ENOX2: variants seen among roughly 807,000 people sequenced by gnomAD.
ENOX2 encodes the protein APK1 antigen.
ENOX2 carries 36 observed loss-of-function variants against 45.0 expected under a neutral mutation model. The observed-to-expected ratio is 0.80, with a 90% CI of 0.61 to 1.06. The LOEUF is 1.06. ENOX2 is among the 50% of genes least tolerant of loss of function. ENOX2 has a pLI of 0.00. For synonymous variants in ENOX2, 174 were observed against 152.3 expected (o/e 1.14, Z -1.05); for missense variants, 423 against 462.5 (o/e 0.91, Z 0.78).
chrX:130,649,043 C>CA (rs35154919), intron 10 of ENOX2, among the ~76,000 whole-genome samples: 1,009 of 6,779 alleles, frequency 0.15, 283 homozygotes, highest in Non-Finnish European at 0.26. Context: ...GACTCCATAT[C>CA]AAAAAAAAAA....
intron 4 of ENOX2, among the ~76,000 whole-genome samples, chrX:130,693,918 C>T (rs772513227): frequency 1.8e-5 from 2 of 111,709 alleles, no homozygotes; most frequent in Non-Finnish European, 3.8e-5. Flanking sequence ...GACTACCCTG[C>T]TAGAGAGACC....
rs1362238547 is a variant in ENOX2, at chrX:130,788,112, T to C, written c.-182-4422A>G. ...AAGGGTGTTTTTTGTGTCATGTATATGTGACCCAGGTCAAATGCTATTTTA... is the reference window on the plus strand; with the variant it reads ...AAGGGTGTTTTTTGTGTCATGTATACGTGACCCAGGTCAAATGCTATTTTA... On this transcript the variant is annotated intron_variant, in intron 2 of 14. Transcript: ENST00000394363. 2.7e-5 allele frequency among the ~76,000 whole-genome samples: 3 copies of C among 112,326 alleles called. No individual in the cohort carries two copies. The East Asian group carries it at 8.3e-4, about 31-fold the overall frequency.
At chrX:130,689,040 C>A (rs1482706024) in intron 4 of ENOX2, 22 bp from the exon 5 acceptor site, 2 of 1,174,241 alleles carry the variant, frequency 1.7e-6, no homozygotes, top group African/African-American at 1.8e-5. Context: ...GAAGAGAGAA[C>A]AATAAATGAC....
rs149327530 is a variant in ENOX2 at position 130,868,728 on chromosome X, A to G, written c.-183+32956T>C. Among the ~76,000 whole-genome samples, 1,016 of 111,751 alleles carry G rather than the reference A, an allele frequency of 9.1e-3. 11 individuals carry two copies. The highest frequency in any genetic ancestry group is 0.031 in the African/African-American group (956 of 30,766). ...TAATGCTCCCAAATCTATATCTCTAATGCAGACTTATTTCCTGACCCACAG... is the reference window on the plus strand; with the variant it reads ...TAATGCTCCCAAATCTATATCTCTAGTGCAGACTTATTTCCTGACCCACAG... On this transcript the variant is annotated intron_variant, in intron 2 of 14. Transcript: ENST00000394363.
intron 3 of ENOX2, among the ~76,000 whole-genome samples, chrX:130,749,824 T>C (rs1476116008): frequency 9.1e-6 from 1 of 110,001 alleles, no homozygotes; most frequent in Non-Finnish European, 1.9e-5. Flanking sequence ...GTCTATGTCA[T>C]AGCACATCTG....
At chrX:130,706,907 A>G (rs1301630609) in intron 3 of ENOX2, among the ~76,000 whole-genome samples, 2 of 112,189 alleles carry the variant, frequency 1.8e-5, no homozygotes, top group African/African-American at 6.5e-5. Flanking sequence ...TTTTTCCCAT[A>G]TCGGCATAAT....
intron 13 of ENOX2, among the ~76,000 whole-genome samples, chrX:130,631,114 C>T (rs758274858): frequency 1.7e-4 from 19 of 111,217 alleles, no homozygotes; most frequent in Admixed American, 3.8e-4. Flanking sequence ...CTGCCAAATA[C>T]GGTCTGCGCT....
At chrX:130,729,777 A>G (rs2038695032) in intron 3 of ENOX2, among the ~76,000 whole-genome samples, 1 of 112,535 alleles carries the variant, frequency 8.9e-6, no homozygotes, top group African/African-American at 3.2e-5. Flanking sequence ...AGTTTCTAAC[A>G]TACACTTCCC....
At chrX:130,631,619 C>T (rs1364535681) in intron 12 of ENOX2, 43 bp from the exon 13 acceptor site, 1 of 786,752 alleles carries the variant, frequency 1.3e-6, no homozygotes, top group African/African-American at 2.0e-5. Context: ...CTTTATTTGG[C>T]AATAGAGTTG....
intron 3 of ENOX2, among the ~76,000 whole-genome samples, chrX:130,747,092 T>A (rs1401733921): frequency 2.7e-5 from 3 of 111,750 alleles, no homozygotes; most frequent in Admixed American, 9.5e-5. Flanking sequence ...TGCTTTTAGG[T>A]TTGGGTGGAA....
chrX:130,694,622 G>C (rs1350559272), intron 4 of ENOX2, among the ~76,000 whole-genome samples: 1 of 88,193 alleles, frequency 1.1e-5, no homozygotes, highest in Non-Finnish European at 2.2e-5. Context: ...TTTTTTTTGA[G>C]ATGGAGTCTC....
intron 12 of ENOX2, among the ~76,000 whole-genome samples, chrX:130,632,436 C>G (rs1470666756): frequency 1.9e-5 from 2 of 106,080 alleles, no homozygotes; most frequent in African/African-American, 6.8e-5. Context: ...AAAATACCTC[C>G]AGACCTTTCA....
rs537529467 is a variant in ENOX2 at position 130,825,220 on chromosome X, C to A, written c.-182-41530G>T. On this transcript the variant is annotated intron_variant, in intron 2 of 14. Transcript: ENST00000394363. ...GATATGTATAGTAATATAGATAAAT[C>A]TCAAAAATATAGAGTGAAAAAAGCA... Among the ~76,000 whole-genome samples the A allele has an allele frequency of 5.8e-4, 65 of 111,232 alleles. No homozygotes were observed. The South Asian group carries it at 6.4e-3, about 11-fold the overall frequency.
At chrX:130,801,285 T>C (rs901355277) in intron 2 of ENOX2, among the ~76,000 whole-genome samples, 1 of 112,064 alleles carries the variant, frequency 8.9e-6, no homozygotes, top group Non-Finnish European at 1.9e-5. Flanking sequence ...GGGGAAGGTA[T>C]TAATGTTGTT....
rs1275809925 is a variant in ENOX2 at position 130,888,264 on chromosome X, GT to G, written c.-183+13419del. Among the ~76,000 whole-genome samples, 10 of 112,414 alleles carry G rather than the reference GT, an allele frequency of 8.9e-5. No homozygotes were observed. In the Admixed American group the frequency reaches 9.4e-4, roughly 11 times the overall value. ...AAGCACTTTACATGTAAGTGCTTCAGTTTTACTCATCCACTAAACTAAAGCT... is the reference window on the plus strand; with the variant it reads ...AAGCACTTTACATGTAAGTGCTTCAGTTTACTCATCCACTAAACTAAAGCT... On this transcript the variant is annotated intron_variant, in intron 2 of 14. Coordinates refer to ENST00000394363, the MANE Select transcript of ENOX2 (RefSeq NM_006375.4).
In ENOX2 at chrX:130,765,327, C is replaced by T. The variant is rs1278514017; in HGVS notation, c.-39+18220G>A. On this transcript the variant is annotated intron_variant, in intron 3 of 14. Transcript: ENST00000394363. ...TCATCCCCATCCTACCTCCCTCCCT[C>T]CTCCTAGCCAAGGTAACCATCTCCT... Among the ~76,000 whole-genome samples the T allele has an allele frequency of 6.3e-5, 7 of 111,257 alleles. No homozygotes were observed. In the Admixed American group the frequency reaches 6.7e-4, roughly 11 times the overall value.
intron 6 of ENOX2, among the ~76,000 whole-genome samples, chrX:130,678,452 C>T (rs2037211373): frequency 9.1e-6 from 1 of 109,671 alleles, no homozygotes; most frequent in African/African-American, 3.3e-5. Flanking sequence ...ATTTCATTTC[C>T]CTCCACTCCC....
intron 10 of ENOX2, among the ~76,000 whole-genome samples, chrX:130,653,339 T>C (rs888362728): frequency 8.9e-6 from 1 of 112,157 alleles, no homozygotes; most frequent in African/African-American, 3.2e-5. Flanking sequence ...GCTTTCATCA[T>C]ATTAGCGCCA....
intron 3 of ENOX2, among the ~76,000 whole-genome samples, chrX:130,736,718 C>T (rs1053306240): frequency 5.4e-5 from 6 of 111,736 alleles, no homozygotes; most frequent in African/African-American, 2.0e-4. Flanking sequence ...TAAAGGAGGC[C>T]GAAGTCTCAG....
Sources: allele counts gnomAD v4.1 joint callset (sites outside exome capture counted in the v4.1 genomes callset), GRCh38; gene constraint gnomAD v4.1.1; transcripts MANE v1.5; gene names NCBI Gene and HGNC (gene_info 2026-07-23, HGNC 2026-07-21).